The following EPB41L3 variants were observed in gnomAD, a reference collection of about 807,000 sequenced individuals.
EPB41L3 encodes the protein band 4.1-like protein 3.
Under a neutral mutation model 127.1 loss-of-function variants are expected in EPB41L3, and 57 were observed. The ratio of observed to expected loss-of-function variants is 0.45; its 90% confidence interval spans 0.36 to 0.56. The LOEUF is 0.56. Among genes scored for constraint, EPB41L3 ranks in the 20% least tolerant of loss-of-function variants. The pLI is 0.00. For missense variants in EPB41L3, 1,273 were observed against 1,372.2 expected (o/e 0.93, Z 1.14); for synonymous variants, 572 against 549.5 (o/e 1.04, Z -0.57).
At chr18:5,556,741 G>T (rs1328256159) in intron 3 of EPB41L3, among the ~76,000 whole-genome samples, 1 of 152,282 alleles carries the variant, frequency 6.6e-6, no homozygotes, top group Non-Finnish European at 1.5e-5. Context: ...CCTGCCCTCT[G>T]CCCCGCTCCT....
chr18:5,418,029 T>C (rs1453022933), intron 12 of EPB41L3, among the ~76,000 whole-genome samples: 2 of 152,210 alleles, frequency 1.3e-5, no homozygotes, highest in African/African-American at 4.8e-5. Flanking sequence ...GAAAAGTAAG[T>C]ACCCTCTGCG....
chr18:5,595,827 C>T (rs1555813310), intron 3 of EPB41L3, among the ~76,000 whole-genome samples: 1 of 152,118 alleles, frequency 6.6e-6, no homozygotes, highest in Non-Finnish European at 1.5e-5. Flanking sequence ...TAAGCAGGTC[C>T]ATGGGGATCA....
chr18:5,556,754 C>T (rs961061690), intron 3 of EPB41L3, among the ~76,000 whole-genome samples: 1 of 152,222 alleles, frequency 6.6e-6, no homozygotes, highest in South Asian at 2.1e-4. Context: ...CCGCTCCTCC[C>T]TCCCAGCTCT....
At chr18:5,438,217 G>T in intron 5 of EPB41L3, 107 bp from the exon 6 acceptor site, 1 of 911,440 alleles carries the variant, frequency 1.1e-6, no homozygotes, top group Non-Finnish European at 1.6e-6. Context: ...GGCAACTTTT[G>T]ACCATTAATG....
At position 5,397,457 on chromosome 18, in the gene EPB41L3, G is replaced by A. The variant is rs1362760694; in HGVS notation, c.2473-31C>T. ...TGGGAAGAGATTGTGGCATCAGTGT[G>A]ACCATCCATAAACCAAAGGTCAGAA... is the stretch of plus-strand genomic sequence containing the variant. On this transcript the variant is annotated intron_variant, in intron 17 of 22. Transcript: ENST00000341928. This position sits in a 1 kb window ranked among gnomAD's most constrained non-coding sequence, Gnocchi z 4.1. 1.9e-6 allele frequency: 3 copies of A among 1,573,810 alleles called. No homozygotes were observed. Among genetic ancestry groups the A allele is most frequent in the African/African-American group, 1.4e-5 (1 of 73,892 alleles).
intron 1 of EPB41L3, among the ~76,000 whole-genome samples, chr18:5,506,672 C>A (rs1464871614): frequency 6.6e-6 from 1 of 152,106 alleles, no homozygotes; most frequent in Admixed American, 6.5e-5. Context: ...TTATCATATC[C>A]CCTCTGTTGT....
chr18:5,403,481 T>C (rs1457562602), intron 16 of EPB41L3, among the ~76,000 whole-genome samples: 3 of 151,364 alleles, frequency 2.0e-5, no homozygotes, highest in East Asian at 1.9e-4. Flanking sequence ...ATAATTATTA[T>C]AACAATTTAA....
Position 5,506,604 on chromosome 18 carries a change from G to C in EPB41L3, c.-11-17410C>G, listed in dbSNP as rs187542526. Among the ~76,000 whole-genome samples, 100 of 152,174 alleles carry C rather than the reference G, an allele frequency of 6.6e-4. 1 individual carries two copies. The highest frequency in any genetic ancestry group is 2.3e-3 in the African/African-American group (97 of 41,486). Reference sequence around the variant, plus strand: ...CTACCTACTTCAGCTGCTTACTTTGGTTTTTACTGTCTCCTCCCATCAGAG... The same window carrying C: ...CTACCTACTTCAGCTGCTTACTTTGCTTTTTACTGTCTCCTCCCATCAGAG... On this transcript the variant is annotated intron_variant, in intron 1 of 22. Coordinates refer to ENST00000341928, the MANE Select transcript of EPB41L3 (RefSeq NM_012307.5).
chr18:5,593,041 A>G (rs778851247), intron 3 of EPB41L3, among the ~76,000 whole-genome samples: 16 of 152,196 alleles, frequency 1.1e-4, no homozygotes, highest in Non-Finnish European at 2.1e-4. Flanking sequence ...GGCTTTAAAA[A>G]CCAGTGCCAG....
intron 1 of EPB41L3, among the ~76,000 whole-genome samples, chr18:5,513,867 G>A (rs947322099): frequency 6.6e-6 from 1 of 152,098 alleles, no homozygotes; most frequent in Admixed American, 6.6e-5. Flanking sequence ...AGTCATTATG[G>A]CTCATCCAGG....
chr18:5,459,640 T>C (rs2083643153), intron 3 of EPB41L3, among the ~76,000 whole-genome samples: 1 of 152,200 alleles, frequency 6.6e-6, no homozygotes, highest in South Asian at 2.1e-4. Flanking sequence ...TGAATGAGAA[T>C]GTTTTAAGCT....
chr18:5,461,341 T>G (rs2147110433), intron 3 of EPB41L3, among the ~76,000 whole-genome samples: 1 of 152,326 alleles, frequency 6.6e-6, no homozygotes, highest in East Asian at 1.9e-4. Context: ...TTATGCTGCC[T>G]GTGCGTCTGC....
At chr18:5,469,405 G>C (rs2085649430) in intron 3 of EPB41L3, among the ~76,000 whole-genome samples, 1 of 152,190 alleles carries the variant, frequency 6.6e-6, no homozygotes. Context: ...GCTGGTGCCT[G>C]TGCCAGTGCC....
In EPB41L3 at chr18:5,411,316, G is replaced by A. The variant is rs181153448; in HGVS notation, c.2068-697C>T. The stretch of plus-strand genomic sequence containing the variant: ...CTCCAATATAAAGAAGTATATTAAA[G>A]TATGTATTTGAACATCTTGCTCCAA... On this transcript the variant is annotated intron_variant, in intron 13 of 22. Coordinates refer to ENST00000341928, the MANE Select transcript of EPB41L3 (RefSeq NM_012307.5). 1.2e-4 allele frequency among the ~76,000 whole-genome samples: 18 copies of A among 152,274 alleles called. No homozygotes were observed. The East Asian group carries it at 3.5e-3, about 29-fold the overall frequency.
At chr18:5,588,535 GTATA>G (rs5822865) in intron 3 of EPB41L3, among the ~76,000 whole-genome samples, 1 of 149,976 alleles carries the variant, frequency 6.7e-6, no homozygotes, top group Non-Finnish European at 1.5e-5. Flanking sequence ...GTAAATATGT[GTATA>G]TATATATATA....
chr18:5,436,184 G>C (rs2079757855), intron 6 of EPB41L3, among the ~76,000 whole-genome samples: 1 of 152,094 alleles, frequency 6.6e-6, no homozygotes, highest in Non-Finnish European at 1.5e-5. Context: ...TATATGGATA[G>C]AACAAAGCAC....
chr18:5,442,497 T>G (rs2080923673), intron 5 of EPB41L3, among the ~76,000 whole-genome samples: 1 of 152,186 alleles, frequency 6.6e-6, no homozygotes, highest in South Asian at 2.1e-4. Flanking sequence ...CACTAGTGAT[T>G]ATGTTTTATT....
chr18:5,443,924 A>C (rs775350629), intron 4 of EPB41L3, 44 bp from the exon 5 acceptor site: 2 of 1,535,652 alleles, frequency 1.3e-6, no homozygotes, highest in African/African-American at 1.4e-5. Context: ...GAGGAGAATA[A>C]AAATGACTTA....
intron 1 of EPB41L3, chr18:5,540,599 A>C (rs895757543): frequency 2.9e-5 from 28 of 964,188 alleles, no homozygotes; most frequent in Non-Finnish European, 3.5e-5. Flanking sequence ...ATTCCCAACA[A>C]ATCAGCAGCT....
Sources: allele counts gnomAD v4.1 joint callset (sites outside exome capture counted in the v4.1 genomes callset), GRCh38; gene constraint gnomAD v4.1.1; non-coding constraint Gnocchi (gnomAD v3.1); transcripts MANE v1.5; gene names NCBI Gene and HGNC (gene_info 2026-07-23, HGNC 2026-07-21).